BTD: variants seen among roughly 807,000 people sequenced by gnomAD.
BTD encodes the protein biotinidase, also known as biocytinase.
Under a neutral mutation model 17.7 loss-of-function variants are expected in BTD, and 13 were observed. That is an observed-to-expected ratio of 0.74 (90% CI 0.48 to 1.17). BTD has a LOEUF of 1.17. BTD is among the 50% of genes most tolerant of loss of function. The pLI is 0.00. For synonymous variants in BTD, 240 were observed against 245.2 expected, an observed-to-expected ratio of 0.98 and a Z score of 0.20; for missense variants, 674 against 650.4, an observed-to-expected ratio of 1.04 and a Z score of -0.39.
intron 3 of BTD, among the ~76,000 whole-genome samples, chr3:15,692,801 A>G (rs2068982156): frequency 6.6e-6 from 1 of 152,262 alleles, no homozygotes; most frequent in South Asian, 2.1e-4. Context: ...TAAAAACACT[A>G]TTTAGTATAC....
intron 4 of BTD, among the ~76,000 whole-genome samples, chr3:15,720,218 C>T (rs184913642): frequency 1.3e-5 from 2 of 150,694 alleles, no homozygotes; most frequent in African/African-American, 4.9e-5. Flanking sequence ...GTGATTCTAA[C>T]AAAAAAAAAC....
At chr3:15,674,196 A>AAAAAAAAG (rs1470515364) in intron 3 of BTD, among the ~76,000 whole-genome samples, 2,024 of 129,500 alleles carry the variant, frequency 0.016, 177 homozygotes, top group East Asian at 0.09. Flanking sequence ...AAAAAAAAAA[A>AAAAAAAAG]AAGAAGAAGA....
chr3:15,645,505 G>C lies in BTD; in HGVS notation c.*17G>C. 6.2e-7 allele frequency: 1 copy of C among 1,600,874 alleles called. No homozygotes were observed. The highest frequency in any genetic ancestry group is 8.5e-7 in the Non-Finnish European group (1 of 1,179,890). The stretch of plus-strand genomic sequence containing the variant: ...AGGGACTAGGAAAAGTGTGTGGTCT[G>C]TGGGGCGGACTCTGGCCATCATGTT... On this transcript the variant is annotated 3_prime_UTR_variant, in exon 4 of 4. Coordinates refer to ENST00000643237, the MANE Select transcript of BTD (RefSeq NM_001370658.1).
chr3:15,685,632 C>G (rs1225086250), intron 3 of BTD, among the ~76,000 whole-genome samples: 2 of 151,904 alleles, frequency 1.3e-5, no homozygotes, highest in African/African-American at 4.8e-5. Context: ...AAGCAAGAAC[C>G]CTTCTAAAAT....
Position 15,649,713 on chromosome 3 carries a change from A to G in BTD, c.*4225A>G, listed in dbSNP as rs909852510. ...GGCGTCTTCTGATGAACACTCATCC[A>G]TCCTTCAAGGTCTACTCTCTCATCA... On this transcript the variant is annotated 3_prime_UTR_variant, in exon 4 of 4. Transcript: ENST00000643237. Among the ~76,000 whole-genome samples the G allele has an allele frequency of 7.2e-5, 11 of 152,218 alleles. No homozygotes were observed. In the East Asian group the frequency reaches 2.1e-3, roughly 29 times the overall value.
chr3:15,617,796 A>G (rs2064835695), intron 1 of BTD, among the ~76,000 whole-genome samples: 1 of 152,162 alleles, frequency 6.6e-6, no homozygotes, highest in Non-Finnish European at 1.5e-5. Context: ...ATTCTGTTCC[A>G]TCTATTTGTC....
chr3:15,655,905 C>A (rs956433014), downstream of BTD, among the ~76,000 whole-genome samples: 1 of 152,176 alleles, frequency 6.6e-6, no homozygotes, highest in African/African-American at 2.4e-5. Flanking sequence ...CGGGTTCAAG[C>A]AATTCTCCTG....
rs1045748169 is a variant in BTD, at chr3:15,652,552, A to C, written c.*7064A>C. Among the ~76,000 whole-genome samples, 1 of 152,214 alleles carries C rather than the reference A, an allele frequency of 6.6e-6. No homozygotes were observed. The highest frequency in any genetic ancestry group is 6.5e-5 in the Admixed American group (1 of 15,282). ...TGCCCTGGGAAACGACTGCAACCTC[A>C]TGAGAGACCCTGAGCCGGAACCACC... On this transcript the variant is annotated 3_prime_UTR_variant, in exon 4 of 4. Coordinates refer to ENST00000643237, the MANE Select transcript of BTD (RefSeq NM_001370658.1).
At chr3:15,643,033 A>AT (rs2065571027) in intron 3 of BTD, among the ~76,000 whole-genome samples, 5 of 133,662 alleles carry the variant, frequency 3.7e-5, no homozygotes, top group African/African-American at 1.6e-4. Context: ...GCCTCAAAAA[A>AT]AAAAAAAAAA....
At chr3:15,608,752 G>A (rs1208178083) in intron 1 of BTD, among the ~76,000 whole-genome samples, 2 of 148,378 alleles carry the variant, frequency 1.3e-5, no homozygotes, top group South Asian at 2.1e-4. Context: ...GCGACAGAGC[G>A]AGACTCCGTC....
At chr3:15,614,494 TC>T (rs2064734521) in intron 1 of BTD, among the ~76,000 whole-genome samples, 1 of 152,110 alleles carries the variant, frequency 6.6e-6, no homozygotes, top group South Asian at 2.1e-4. Context: ...CTTCTTTTTT[TC>T]CCTTTTGTCA....
At position 15,696,079 on chromosome 3, in the gene BTD, CATT is replaced by C. The variant is rs369644794; in HGVS notation, c.400-13976_400-13974del. The C allele has an allele frequency of 2.1e-5, 25 of 1,189,242 alleles. No homozygotes were observed. In the African/African-American group the frequency reaches 2.9e-4, roughly 14 times the overall value. 73.7% of individuals were successfully genotyped at this position (1,189,242 alleles called of 1,614,324 possible). On this transcript the variant is annotated intron_variant, in intron 3 of 3. Coordinates refer to the BTD transcript ENST00000672141. ...GATCCATTTATTCTCATTTTTGTTA[CATT>C]ATTAGACTATAAACTCCCATTAGGT...
rs2064276476 is a variant in BTD at position 15,602,092 on chromosome 3, T to C, written c.-17+198T>C. On this transcript the variant is annotated intron_variant, in intron 1 of 3. Transcript: ENST00000643237. ...GCGTTGCGTTTTCTAGGCATTTACT[T>C]ACACGCTTTGTGGTTTACGCTCTCA... 40 of 1,437,632 alleles carry C rather than the reference T, an allele frequency of 2.8e-5. 1 individual carries two copies. The South Asian group carries it at 5.9e-4, about 21-fold the overall frequency. 89.1% of individuals were successfully genotyped at this position (1,437,632 alleles called of 1,614,324 possible). A position where few individuals can be genotyped will look rare whatever the true frequency, so the allele number is the denominator to read the frequency against.
chr3:15,631,639 T>C, intron 1 of BTD: 3 of 713,978 alleles, frequency 4.2e-6, no homozygotes, highest in Non-Finnish European at 2.3e-6. Flanking sequence ...GTTGGGGGAA[T>C]GTTTTCCTTA....
At chr3:15,685,173 CT>C (rs2067967487) in intron 3 of BTD, 1 of 1,581,298 alleles carries the variant, frequency 6.3e-7, no homozygotes, top group South Asian at 1.1e-5. Flanking sequence ...ATATGTCATT[CT>C]TTTATCTCTG....
At chr3:15,638,464 T>C (rs2065416387) in intron 2 of BTD, among the ~76,000 whole-genome samples, 1 of 152,202 alleles carries the variant, frequency 6.6e-6, no homozygotes, top group Non-Finnish European at 1.5e-5. Flanking sequence ...AAGCACTTTC[T>C]TATCTTAGCC....
At chr3:15,655,621 A>G (rs1004823560), downstream of BTD, among the ~76,000 whole-genome samples, 2 of 152,194 alleles carry the variant, frequency 1.3e-5, no homozygotes, top group Non-Finnish European at 2.9e-5. Flanking sequence ...GACCTCAGCC[A>G]TGTACCTGTG....
At position 15,685,950 on chromosome 3, in the gene BTD, T is replaced by C. The variant is rs1207755379; in HGVS notation, c.400-24110T>C. 4.4e-6 allele frequency: 6 copies of C among 1,369,610 alleles called. No homozygotes were observed. In the Admixed American group the frequency reaches 9.3e-5, roughly 21 times the overall value. The allele number at this position is 1,369,610 out of a possible 1,614,324, so 84.8% of individuals were successfully genotyped here. ...AAACATAACCTAGTTCAGTTCTAGG[T>C]AATATGAGGTCATAAAAGCTTTTTG... On this transcript the variant is annotated intron_variant, in intron 3 of 3. Coordinates refer to the BTD transcript ENST00000672141.
chr3:15,629,055 G>A (rs369388684), intron 1 of BTD, among the ~76,000 whole-genome samples: 1 of 152,246 alleles, frequency 6.6e-6, no homozygotes, highest in East Asian at 1.9e-4. Flanking sequence ...TCTAGTTTGA[G>A]TGTTTAATGC....
Sources: allele counts gnomAD v4.1 joint callset (sites outside exome capture counted in the v4.1 genomes callset), GRCh38; gene constraint gnomAD v4.1.1; transcripts MANE v1.5; gene names NCBI Gene and HGNC (gene_info 2026-07-23, HGNC 2026-07-21).